METAP1D: variants seen among roughly 807,000 people sequenced by gnomAD.
The protein encoded by METAP1D is methionyl aminopeptidase type 1D, mitochondrial, also known as methionine aminopeptidase 1D, mitochondrial.
In METAP1D, 31 loss-of-function variants were observed where a neutral mutation model predicts 40.5. That is an observed-to-expected ratio of 0.77 (90% CI 0.58 to 1.03). The LOEUF (loss-of-function observed/expected upper bound fraction) is 1.03. Ranked by LOEUF, METAP1D falls within the 50% of genes least tolerant of loss-of-function variation. The pLI is 0.00. For synonymous variants in METAP1D, 151 were observed against 146.4 expected, an observed-to-expected ratio of 1.03 and a Z score of -0.22; for missense variants, 411 against 420.7, an observed-to-expected ratio of 0.98 and a Z score of 0.20.
At chr2:172,075,881 T>C (rs1431289495) in intron 6 of METAP1D, among the ~76,000 whole-genome samples, 1 of 152,186 alleles carries the variant, frequency 6.6e-6, no homozygotes, top group East Asian at 1.9e-4. Flanking sequence ...GGCTGTGAAA[T>C]CCTCTAACCT....
At chr2:172,017,564 C>T (rs973785703) in intron 1 of METAP1D, among the ~76,000 whole-genome samples, 1 of 151,294 alleles carries the variant, frequency 6.6e-6, no homozygotes, top group African/African-American at 2.4e-5. Context: ...AATTACCAGA[C>T]ATGAAGTATG....
At chr2:172,016,830 G>C (rs993990932) in intron 1 of METAP1D, among the ~76,000 whole-genome samples, 4 of 151,862 alleles carry the variant, frequency 2.6e-5, no homozygotes, top group African/African-American at 7.3e-5. Context: ...CCCCTCAGGT[G>C]CTGTAATTCT....
At chr2:172,046,781 G>A (rs960163914) in intron 1 of METAP1D, among the ~76,000 whole-genome samples, 7 of 152,064 alleles carry the variant, frequency 4.6e-5, no homozygotes, top group African/African-American at 9.7e-5. Context: ...AACGGTCTCC[G>A]CATAATTTTA....
intron 1 of METAP1D, among the ~76,000 whole-genome samples, chr2:172,032,516 GAATC>G (rs1339735385): frequency 1.3e-5 from 2 of 152,182 alleles, no homozygotes; most frequent in African/African-American, 4.8e-5. Context: ...TAGAAGGAAA[GAATC>G]AAGCCCTTAA....
intron 1 of METAP1D, among the ~76,000 whole-genome samples, chr2:172,008,694 C>T (rs1394318466): frequency 1.7e-5 from 1 of 58,462 alleles, no homozygotes; most frequent in Non-Finnish European, 3.9e-5. Flanking sequence ...TGTGGCCTTT[C>T]TCTCAAAATA....
intron 1 of METAP1D, among the ~76,000 whole-genome samples, chr2:172,007,246 T>G (rs1688608719): frequency 6.6e-6 from 1 of 151,608 alleles, no homozygotes; most frequent in Non-Finnish European, 1.5e-5. Context: ...CATAGCTCAC[T>G]GCAACCTCAA....
At chr2:172,055,897 T>G (rs984222424) in intron 1 of METAP1D, among the ~76,000 whole-genome samples, 1 of 152,218 alleles carries the variant, frequency 6.6e-6, no homozygotes, top group Non-Finnish European at 1.5e-5. Flanking sequence ...GTCTGCATCT[T>G]TTCGGCAGTG....
rs796640775 is a variant in METAP1D, at chr2:172,045,819, GTA to G, written c.41-15635_41-15634del. Among the ~76,000 whole-genome samples, 120 of 15,158 alleles carry G rather than the reference GTA, an allele frequency of 7.9e-3. 1 individual carries two copies. Among genetic ancestry groups the G allele is most frequent in the African/African-American group, 0.023 (73 of 3,160 alleles). 9.9% of individuals were successfully genotyped at this position (15,158 alleles called of 152,430 possible). A position where few individuals can be genotyped will look rare whatever the true frequency, so the allele number is the denominator to read the frequency against. On this transcript the variant is annotated intron_variant, in intron 1 of 9. Transcript: ENST00000315796. Reference sequence around the variant, plus strand: ...TATATGTGTGTGTGTGTGTGTGTGTGTATATATATATATATATATATATATAT... The same window carrying G: ...TATATGTGTGTGTGTGTGTGTGTGTGTATATATATATATATATATATATAT...
intron 1 of METAP1D, among the ~76,000 whole-genome samples, chr2:172,040,192 G>T (rs572784226): frequency 6.6e-6 from 1 of 151,902 alleles, no homozygotes; most frequent in Non-Finnish European, 1.5e-5. Flanking sequence ...TCCTGACCTC[G>T]TGATCCACCC....
chr2:172,045,591 G>T (rs1326815439), intron 1 of METAP1D, among the ~76,000 whole-genome samples: 1 of 149,262 alleles, frequency 6.7e-6, no homozygotes, highest in East Asian at 2.0e-4. Flanking sequence ...AGCCTGGGAG[G>T]TGGAGGTTGC....
chr2:172,038,527 A>G (rs1689445888), intron 1 of METAP1D, among the ~76,000 whole-genome samples: 1 of 152,222 alleles, frequency 6.6e-6, no homozygotes, highest in Non-Finnish European at 1.5e-5. Context: ...GACCGAGACC[A>G]AATTTTAATT....
intron 1 of METAP1D, among the ~76,000 whole-genome samples, chr2:172,044,404 C>CAAAAAAAAAAAA (rs782088377): frequency 1.4e-5 from 1 of 69,182 alleles, no homozygotes; most frequent in Admixed American, 1.6e-4. Flanking sequence ...CTTAAAAATA[C>CAAAAAAAAAAAA]AAAAAAAAAA....
intron 1 of METAP1D, among the ~76,000 whole-genome samples, chr2:172,023,347 T>G (rs575677720): frequency 1.3e-5 from 2 of 152,306 alleles, no homozygotes; most frequent in East Asian, 3.9e-4. Context: ...CATGTTAATG[T>G]GATCTAAAAA....
chr2:172,067,586 G>A (rs2105485267), intron 5 of METAP1D, among the ~76,000 whole-genome samples: 1 of 152,134 alleles, frequency 6.6e-6, no homozygotes, highest in African/African-American at 2.4e-5. Context: ...CTTTTATTTT[G>A]GATTGTACCT....
At chr2:172,047,652 C>T (rs1209842375) in intron 1 of METAP1D, among the ~76,000 whole-genome samples, 1 of 152,180 alleles carries the variant, frequency 6.6e-6, no homozygotes, top group Non-Finnish European at 1.5e-5. Flanking sequence ...CCAGGCTGGC[C>T]TTGAACTCCT....
At chr2:172,067,559 G>C (rs1232293130) in intron 5 of METAP1D, among the ~76,000 whole-genome samples, 1 of 152,098 alleles carries the variant, frequency 6.6e-6, no homozygotes, top group Admixed American at 6.5e-5. Context: ...CTAAAACAGA[G>C]TTCTTTTCAT....
At chr2:172,045,993 T>A (rs1691000121) in intron 1 of METAP1D, among the ~76,000 whole-genome samples, 1 of 148,642 alleles carries the variant, frequency 6.7e-6, no homozygotes, top group Non-Finnish European at 1.5e-5. Flanking sequence ...TCCCAAATTT[T>A]ATTTTTTTTT....
At chr2:172,037,453 G>A (rs1689423028) in intron 1 of METAP1D, among the ~76,000 whole-genome samples, 1 of 38,798 alleles carries the variant, frequency 2.6e-5, no homozygotes, top group African/African-American at 6.2e-5. Flanking sequence ...GAGCATTTTT[G>A]TACCTTTTTC....
At chr2:172,010,694 A>G (rs1369787755) in intron 1 of METAP1D, among the ~76,000 whole-genome samples, 1 of 147,738 alleles carries the variant, frequency 6.8e-6, no homozygotes, top group Non-Finnish European at 1.5e-5. Flanking sequence ...GGGTTTCGCC[A>G]TGTTGGCCAG....
Sources: allele counts gnomAD v4.1 joint callset (sites outside exome capture counted in the v4.1 genomes callset), GRCh38; gene constraint gnomAD v4.1.1; transcripts MANE v1.5; gene names NCBI Gene and HGNC (gene_info 2026-07-23, HGNC 2026-07-21).